Variants in DCHS2 observed in about 807,000 individuals in gnomAD.
DCHS2 encodes the protein protocadherin-23.
DCHS2 carries 142 observed loss-of-function variants against 182.4 expected under a neutral mutation model. The observed-to-expected ratio is 0.78, with a 90% CI of 0.68 to 0.89. DCHS2 has a LOEUF of 0.89. Ranked by LOEUF, DCHS2 falls within the 40% of genes least tolerant of loss-of-function variation. The pLI, the probability that DCHS2 is intolerant of heterozygous loss-of-function variation, is 0.00. For synonymous variants in DCHS2, 1,740 were observed against 1,663.3 expected (o/e 1.05, Z -1.12); for missense variants, 4,319 against 4,198.6 (o/e 1.03, Z -0.79).
chr4:154,272,891 C>A (rs1464184694), intron 13 of DCHS2, among the ~76,000 whole-genome samples: 1 of 152,064 alleles, frequency 6.6e-6, no homozygotes, highest in Non-Finnish European at 1.5e-5. Flanking sequence ...TGCTTATTGG[C>A]CACTTCCTCC....
At chr4:154,346,516 G>GGGGGTTTGGCTATTTATTATCCCTCTC (rs1729368042) in intron 3 of DCHS2, among the ~76,000 whole-genome samples, 1 of 125,290 alleles carries the variant, frequency 8.0e-6, no homozygotes, top group African/African-American at 2.9e-5. Context: ...TTGGTAACAT[G>GGGGGTTTGGCTATTTATTATCCCTCTC]TCCTTATTTA....
chr4:154,289,871 A>C (rs1359963814), intron 13 of DCHS2, among the ~76,000 whole-genome samples: 1 of 152,132 alleles, frequency 6.6e-6, no homozygotes, highest in African/African-American at 2.4e-5. Context: ...GCATTTGATG[A>C]AATTCAACAT....
chr4:154,316,021 T>C, intron 9 of DCHS2, 34 bp from the exon 10 acceptor site: 1 of 1,610,008 alleles, frequency 6.2e-7, no homozygotes, highest in Non-Finnish European at 8.5e-7. Context: ...CAACATGTAA[T>C]GAATATTCTT....
intron 16 of DCHS2, among the ~76,000 whole-genome samples, chr4:154,252,888 A>T (rs1340027501): frequency 6.6e-6 from 1 of 152,132 alleles, no homozygotes; most frequent in African/African-American, 2.4e-5. Flanking sequence ...TTTATATTTT[A>T]AAACAAAGGG....
intron 14 of DCHS2, 25 bp downstream of exon 14, chr4:154,269,875 C>G (rs771976806): frequency 1.3e-6 from 2 of 1,594,010 alleles, no homozygotes; most frequent in Non-Finnish European, 1.7e-6. Flanking sequence ...GAAAATAAAG[C>G]TAGTATAGGG....
chr4:154,430,516 G>A (rs566904576), intron 1 of DCHS2, among the ~76,000 whole-genome samples: 8 of 152,182 alleles, frequency 5.3e-5, no homozygotes, highest in Non-Finnish European at 1.2e-4. Flanking sequence ...CCTGGGGAAC[G>A]TGGGAAATAA....
At chr4:154,308,402 A>C (rs902127301) in intron 10 of DCHS2, among the ~76,000 whole-genome samples, 3 of 152,174 alleles carry the variant, frequency 2.0e-5, no homozygotes, top group Non-Finnish European at 2.9e-5. Flanking sequence ...GGGTGCATTG[A>C]CAATCAATGT....
At chr4:154,350,094 A>G (rs1402432210) in intron 3 of DCHS2, among the ~76,000 whole-genome samples, 1 of 152,218 alleles carries the variant, frequency 6.6e-6, no homozygotes, top group Non-Finnish European at 1.5e-5. Context: ...CTTCATTGGA[A>G]ACATAAGGAA....
intron 3 of DCHS2, among the ~76,000 whole-genome samples, chr4:154,364,461 T>C (rs1464084579): frequency 6.6e-6 from 1 of 152,240 alleles, no homozygotes; most frequent in Admixed American, 6.5e-5. Flanking sequence ...AGTTAAGTCC[T>C]CAGTTAAGAT....
At chr4:154,353,082 A>G (rs942327486) in intron 3 of DCHS2, among the ~76,000 whole-genome samples, 2 of 152,254 alleles carry the variant, frequency 1.3e-5, no homozygotes, top group Admixed American at 1.3e-4. Context: ...ATTCCTAACT[A>G]TAAACCAGAT....
intron 1 of DCHS2, among the ~76,000 whole-genome samples, chr4:154,485,452 A>T (rs1000360888): frequency 1.3e-5 from 2 of 152,164 alleles, no homozygotes; most frequent in Non-Finnish European, 2.9e-5. Context: ...GAACACATGG[A>T]GAAGGGGTGA....
rs1177075764 is a variant in DCHS2 at position 154,322,626 on chromosome 4, TA to T, written c.4019-139del. 9 of 1,142,000 alleles carry T rather than the reference TA, an allele frequency of 7.9e-6. No individual in the cohort carries two copies. In the Admixed American group the frequency reaches 1.1e-4, roughly 14 times the overall value. The allele number at this position is 1,142,000 out of a possible 1,614,324, so 70.7% of individuals were successfully genotyped here. ...GAGAGTATGAACACAAAAATGACAC[TA>T]AAAATAGACAAGAAACATCACTTTT... On this transcript the variant is annotated intron_variant, in intron 7 of 19. Transcript: ENST00000357232.
intron 3 of DCHS2, among the ~76,000 whole-genome samples, chr4:154,335,954 G>A (rs1457124143): frequency 6.6e-6 from 1 of 152,172 alleles, no homozygotes; most frequent in African/African-American, 2.4e-5. Context: ...TTCTAATGCA[G>A]GCTAGCGCAG....
intron 3 of DCHS2, 49 bp downstream of exon 3, chr4:154,366,161 A>G (rs1308979754): frequency 1.3e-6 from 2 of 1,490,470 alleles, no homozygotes; most frequent in Admixed American, 1.7e-5. Flanking sequence ...TAAGTAGTTA[A>G]GCAGAAACTT....
At chr4:154,447,272 AC>A (rs1734340420) in intron 1 of DCHS2, among the ~76,000 whole-genome samples, 1 of 152,184 alleles carries the variant, frequency 6.6e-6, no homozygotes, top group South Asian at 2.1e-4. Flanking sequence ...AGCCTGGGCA[AC>A]AGAGGAAAAC....
intron 1 of DCHS2, among the ~76,000 whole-genome samples, chr4:154,410,775 A>G (rs1732599134): frequency 6.6e-6 from 1 of 152,152 alleles, no homozygotes; most frequent in African/African-American, 2.4e-5. Context: ...ATGAAGTTCA[A>G]AAGTCTCCAA....
intron 1 of DCHS2, among the ~76,000 whole-genome samples, chr4:154,409,640 G>A (rs1732540542): frequency 6.6e-6 from 1 of 152,038 alleles, no homozygotes; most frequent in Non-Finnish European, 1.5e-5. Flanking sequence ...GCCACAATAG[G>A]CTCATAAGCT....
chr4:154,246,911 T>C (rs1732097763), intron 16 of DCHS2, among the ~76,000 whole-genome samples: 1 of 151,758 alleles, frequency 6.6e-6, no homozygotes, highest in Admixed American at 6.6e-5. Flanking sequence ...ATCTAGGCAA[T>C]CCAATACCTA....
chr4:154,414,078 T>A (rs1047921573), intron 1 of DCHS2, among the ~76,000 whole-genome samples: 7 of 152,032 alleles, frequency 4.6e-5, no homozygotes, highest in African/African-American at 1.7e-4. Flanking sequence ...ATGGCAGGCC[T>A]TTTTTCTTAT....
Sources: gnomAD v4.1 joint callset for allele counts (sites outside exome capture counted in the v4.1 genomes callset) on GRCh38, gnomAD v4.1.1 for gene constraint, MANE v1.5 for transcripts, NCBI Gene and HGNC (gene_info 2026-07-23, HGNC 2026-07-21) for gene names.